The following FLNC variants were observed in gnomAD, a reference collection of about 807,000 sequenced individuals.
FLNC encodes filamin-C.
FLNC carries 91 observed loss-of-function variants against 254.3 expected under a neutral mutation model. The ratio of observed to expected loss-of-function variants is 0.36; its 90% confidence interval spans 0.30 to 0.43. The LOEUF is 0.43. Among genes scored for constraint, FLNC ranks in the 20% least tolerant of loss-of-function variants. The probability of loss-of-function intolerance (pLI) is 1.00; values close to 1 mark genes in which losing one functional copy is unlikely to be tolerated. For synonymous variants in FLNC, 1,430 were observed against 1,577.2 expected (o/e 0.91, Z 2.21); for missense variants, 2,853 against 3,802.6 (o/e 0.75, Z 6.57).
Position 128,835,271 on chromosome 7 carries a change from TG to T in FLNC, c.353-51del. On this transcript the variant is annotated intron_variant, in intron 1 of 47. Transcript: ENST00000325888. The surrounding 1 kb of genome is among the most constrained non-coding windows in gnomAD (Gnocchi z 5.3). ...GCTGCGCAGGTGAGGGAGGGTGCTC[TG>T]GGGCAGTGGAGGGTGGGGCGCCCCT... 1 of 1,610,612 alleles carries T rather than the reference TG, an allele frequency of 6.2e-7. No individual in the cohort carries two copies. Among genetic ancestry groups the T allele is most frequent in the Non-Finnish European group, 8.5e-7 (1 of 1,179,456 alleles).
intron 21 of FLNC, 105 bp from the exon 22 acceptor site, chr7:128,845,885 G>C (rs960219989): frequency 5.4e-6 from 5 of 925,496 alleles, no homozygotes; most frequent in Non-Finnish European, 8.0e-6. Context: ...GGAAGAGGAG[G>C]GGAAGAGGAG....
Position 128,835,235 on chromosome 7 carries a change from TGGC to T in FLNC, c.353-90_353-88del. On this transcript the variant is annotated intron_variant, in intron 1 of 47. Transcript: ENST00000325888. This position sits in a 1 kb window ranked among gnomAD's most constrained non-coding sequence, Gnocchi z 5.3. ...GACTAGAGGCCTGACCCCAGAGCTC[TGGC>T]CCGAGGAGCTGCGCAGGTGAGGGAG... is the stretch of plus-strand genomic sequence containing the variant. 6.4e-7 allele frequency: 1 copy of T among 1,573,210 alleles called. No individual in the cohort carries two copies. The highest frequency in any genetic ancestry group is 1.3e-5 in the African/African-American group (1 of 74,206).
intron 1 of FLNC, among the ~76,000 whole-genome samples, chr7:128,832,627 AGAG>A (rs1343341839): frequency 2.0e-5 from 3 of 152,152 alleles, no homozygotes; most frequent in Non-Finnish European, 4.4e-5. Flanking sequence ...TTGGCTCAGC[AGAG>A]GAGGGGCTGG....
rs369118592 is a variant in FLNC, at chr7:128,850,830, C to T, written c.5426C>T (p.Thr1809Met). 75 of 1,613,724 alleles carry T rather than the reference C, an allele frequency of 4.6e-5. No homozygotes were observed. In the Middle Eastern group the frequency reaches 6.6e-4, roughly 14 times the overall value. Residue 1809 changes from threonine to methionine, a missense_variant, in exon 33 of 48, where the codon ACG (threonine) becomes ATG (methionine). Physicochemically the swap from Thr to Met is moderately conservative, Grantham distance 81. Coordinates refer to ENST00000325888, the MANE Select transcript of FLNC (RefSeq NM_001458.5). ...TGEVRMPSGK[T>M]ARPNITDNKD... is the part of the protein sequence containing the mutation. The stretch of plus-strand genomic sequence containing the variant: ...GAGGTGCGGATGCCCTCGGGGAAGA[C>T]GGCACGGCCCAACATCACCGACAAC...
rs377314946 is a variant in FLNC, at chr7:128,841,529, C to T, written c.2083C>T (p.Arg695Cys). 32 of 1,613,984 alleles carry T rather than the reference C, an allele frequency of 2.0e-5. No homozygotes were observed. Among genetic ancestry groups the T allele is most frequent in the Non-Finnish European group, 2.4e-5 (28 of 1,179,974 alleles). ...DKPAEFTIDARAAGKGDLKLY... is the reference protein window; with the variant it reads ...DKPAEFTIDACAAGKGDLKLY... ...GCCCGCTGAGTTCACCATTGATGCT[C>T]GTGCAGCTGGCAAGGGAGACCTGAA... is the stretch of plus-strand genomic sequence containing the variant. The change falls in exon 13 of 48, where the codon CGT becomes TGT. Residue 695 changes from arginine (R) to cysteine (C), a missense_variant. Physicochemically the swap from Arg to Cys is radical, Grantham distance 180. Coordinates refer to ENST00000325888, the MANE Select transcript of FLNC (RefSeq NM_001458.5). The surrounding 1 kb of genome is among the most constrained non-coding windows in gnomAD (Gnocchi z 4.3).
At chr7:128,843,013 G>A (rs563714709) in intron 16 of FLNC, 59 bp downstream of exon 16, 1 of 1,587,342 alleles carries the variant, frequency 6.3e-7, no homozygotes, top group East Asian at 2.2e-5. Flanking sequence ...GAAGGCAGCT[G>A]GAGATGCTGT....
rs1052000080 is a variant in FLNC at position 128,844,846 on chromosome 7, C to T, written c.3381C>T (p.Gly1127=). The T allele has an allele frequency of 4.3e-6, 7 of 1,613,982 alleles. No individual in the cohort carries two copies. Among genetic ancestry groups the T allele is most frequent in the East Asian group, 2.2e-5 (1 of 44,898 alleles). Residue 1127 remains glycine, a synonymous_variant, in exon 21 of 48, where the codon GGC becomes GGT. Transcript: ENST00000325888. ...TCAGCTACCTGCCCACGGAGCCTGG[C>T]GAGTACACCATCAACATCCTGTTTG... is the stretch of plus-strand genomic sequence containing the variant. ...CAVSYLPTEP[G]EYTINILFAE...
Position 128,842,235 on chromosome 7 carries a change from C to G in FLNC, c.2126C>G (p.Ala709Gly), listed in dbSNP as rs779757970. Residue 709 changes from alanine (A) to glycine (G), a missense_variant, in exon 14 of 48, where the codon GCC becomes GGC. This residue lies in a region of FLNC where 1,573 missense variants were observed against 1,883.5 expected (regional missense o/e 0.84). Coordinates refer to ENST00000325888, the MANE Select transcript of FLNC (RefSeq NM_001458.5). This position sits in a 1 kb window ranked among gnomAD's most constrained non-coding sequence, Gnocchi z 5.4. ...KGDLKLYAQD[A>G]DGCPIDIKVI... ...TTGCTTGGGTGATGCCCACAGGACGCCGACGGCTGTCCCATCGACATCAAG... is the reference window on the plus strand; with the variant it reads ...TTGCTTGGGTGATGCCCACAGGACGGCGACGGCTGTCCCATCGACATCAAG... 6.2e-7 allele frequency: 1 copy of G among 1,613,612 alleles called. No homozygotes were observed. The highest frequency in any genetic ancestry group is 1.7e-5 in the Admixed American group (1 of 60,020).
In FLNC at chr7:128,840,053, G is replaced by C; in HGVS notation, c.1442G>C (p.Gly481Ala). Residue 481 changes from glycine (G) to alanine (A), a missense_variant, in exon 9 of 48, where the codon GGG becomes GCG. Around this residue, in one of 10 missense-constraint regions of FLNC, gnomAD observed 1,573 missense variants for 1,883.5 expected, o/e 0.84. Coordinates refer to ENST00000325888, the MANE Select transcript of FLNC (RefSeq NM_001458.5). ...ACNPNACRAS[G>A]RGLQPKGVRV... ...AACCCCAACGCCTGCCGCGCCTCTG[G>C]GCGAGGCCTGCAGCCCAAGGGTGTT... 6.2e-7 allele frequency: 1 copy of C among 1,614,024 alleles called. No homozygotes were observed. Among genetic ancestry groups the C allele is most frequent in the South Asian group, 1.1e-5 (1 of 91,092 alleles).
At chr7:128,843,945 G>C (rs1381295828) in intron 19 of FLNC, 32 bp downstream of exon 19, 1 of 1,614,006 alleles carries the variant, frequency 6.2e-7, no homozygotes, top group Non-Finnish European at 8.5e-7. Flanking sequence ...CTGGGAGTGA[G>C]GGGTATTCGG....
Position 128,852,464 on chromosome 7 carries a change from G to A in FLNC, c.5843-127G>A, listed in dbSNP as rs1267053357. The A allele has an allele frequency of 3.7e-6, 4 of 1,088,122 alleles. No individual in the cohort carries two copies. The South Asian group carries it at 3.8e-5, about 10-fold the overall frequency. The allele number at this position is 1,088,122 out of a possible 1,614,324, so 67.4% of individuals were successfully genotyped here. On this transcript the variant is annotated intron_variant, in intron 35 of 47. Transcript: ENST00000325888. ...TGCACTTTCCAGGCCTTGGGCCTCC[G>A]TGCACCTGGGAGTGGCCCCCCGTGT...
intron 39 of FLNC, 49 bp downstream of exon 39, chr7:128,853,886 G>A (rs749312182): frequency 2.2e-5 from 35 of 1,613,074 alleles, no homozygotes; most frequent in Non-Finnish European, 2.9e-5. Context: ...GAGAGGGCTG[G>A]CCCGGGCCAG....
chr7:128,845,875 G>A, intron 21 of FLNC, 115 bp from the exon 22 acceptor site: 1 of 763,164 alleles, frequency 1.3e-6, no homozygotes, highest in Non-Finnish European at 1.9e-6. Flanking sequence ...TGAGAGGAGG[G>A]GAAGAGGAGG....
intron 1 of FLNC, among the ~76,000 whole-genome samples, chr7:128,832,225 CA>C: frequency 6.6e-6 from 1 of 152,302 alleles, no homozygotes; most frequent in African/African-American, 2.4e-5. Flanking sequence ...ACTGCCCCCC[CA>C]CCCCACCCGC....
chr7:128,847,253 C>A (rs1447955301), intron 24 of FLNC, among the ~76,000 whole-genome samples: 2 of 152,250 alleles, frequency 1.3e-5, no homozygotes, highest in Non-Finnish European at 2.9e-5. Flanking sequence ...CCTTCTTGCA[C>A]GCATCGTCTG....
rs1340787130 is a variant in FLNC at position 128,858,786 on chromosome 7, C to T, written c.*263C>T. The T allele has an allele frequency of 1.3e-5, 7 of 546,266 alleles. No individual in the cohort carries two copies. In the African/African-American group the frequency reaches 1.3e-4, roughly 10 times the overall value. The allele number at this position is 546,266 out of a possible 1,614,324, so 33.8% of individuals were successfully genotyped here. Reference sequence around the variant, plus strand: ...CTGGGGCCAGGCTCAGGGGCAGAGGCTGGGACACAAGGGGCTGGCGAGGGC... The same window carrying T: ...CTGGGGCCAGGCTCAGGGGCAGAGGTTGGGACACAAGGGGCTGGCGAGGGC... On this transcript the variant is annotated 3_prime_UTR_variant, in exon 48 of 48. Transcript: ENST00000325888. The surrounding 1 kb of genome is among the most constrained non-coding windows in gnomAD (Gnocchi z 6.7).
chr7:128,840,687 C>A lies in FLNC; in HGVS notation c.1676+13C>A. The A allele has an allele frequency of 6.2e-7, 1 of 1,612,676 alleles. No homozygotes were observed. On this transcript the variant is annotated intron_variant, in intron 10 of 47. Transcript: ENST00000325888. ...CCATCCCTCGCAGGTGAGTACCTTG[C>A]GCCCCCCATGCTGTCCTGTCTAGGC...
rs774532762 is a variant in FLNC, at chr7:128,842,990, C to A, written c.2550+36C>A. ...TCCTGGGTACTCACAGCGACATGCA[C>A]CTGCCAGCTCCAGAAGGCAGCTGGA... On this transcript the variant is annotated intron_variant, in intron 16 of 47. Transcript: ENST00000325888. This position sits in a 1 kb window ranked among gnomAD's most constrained non-coding sequence, Gnocchi z 5.4. 34 of 1,610,600 alleles carry A rather than the reference C, an allele frequency of 2.1e-5. No homozygotes were observed. The Admixed American group carries it at 5.7e-4, about 27-fold the overall frequency.
intron 4 of FLNC, 39 bp from the exon 5 acceptor site, chr7:128,837,598 C>T: frequency 1.2e-6 from 2 of 1,613,584 alleles, no homozygotes; most frequent in Non-Finnish European, 1.7e-6. Context: ...CACATGTAGG[C>T]TCTCCCTGAG....
Sources: allele counts gnomAD v4.1 joint callset (sites outside exome capture counted in the v4.1 genomes callset), GRCh38; gene constraint gnomAD v4.1.1; regional missense constraint gnomAD v4.1.1; non-coding constraint Gnocchi (gnomAD v3.1); transcripts MANE v1.5; gene names NCBI Gene and HGNC (gene_info 2026-07-23, HGNC 2026-07-21).